The following CCDC33 variants were observed in gnomAD, a reference collection of about 807,000 sequenced individuals.
The protein encoded by CCDC33 is coiled-coil domain-containing protein 33.
In CCDC33, 94 loss-of-function variants were observed where a neutral mutation model predicts 91.9. The observed-to-expected ratio is 1.02, with a 90% CI of 0.87 to 1.21. The LOEUF (loss-of-function observed/expected upper bound fraction) is 1.21. Among genes scored for constraint, CCDC33 ranks in the 50% most tolerant of loss-of-function variants. CCDC33 has a pLI of 0.00. For missense variants in CCDC33, 940 were observed against 935.5 expected, an observed-to-expected ratio of 1.00 and a Z score of -0.06; for synonymous variants, 396 against 374.5, an observed-to-expected ratio of 1.06 and a Z score of -0.66.
At chr15:74,220,539 C>T (rs1161501981) in intron 2 of CCDC33, among the ~76,000 whole-genome samples, 6 of 152,188 alleles carry the variant, frequency 3.9e-5, no homozygotes, top group African/African-American at 9.7e-5. Context: ...GTGCCCTGGC[C>T]ACCTGAGCCA....
intron 11 of CCDC33, among the ~76,000 whole-genome samples, chr15:74,320,481 C>T (rs1567031840): frequency 6.6e-6 from 1 of 152,144 alleles, no homozygotes; most frequent in African/African-American, 2.4e-5. Flanking sequence ...ACCGGGAACT[C>T]TCTGAGTGCA....
chr15:74,208,903 A>G, intron 1 of CCDC33: 1 of 989,998 alleles, frequency 1.0e-6, no homozygotes, highest in South Asian at 4.6e-5. Flanking sequence ...GGTGCTCCCA[A>G]CACGGGGCCT....
At chr15:74,331,469 G>A (rs761483567) in intron 15 of CCDC33, among the ~76,000 whole-genome samples, 173 bp downstream of exon 15, 6 of 152,130 alleles carry the variant, frequency 3.9e-5, no homozygotes, top group South Asian at 4.1e-4. Flanking sequence ...TCATTCAGGC[G>A]CCCCATCCAG....
At chr15:74,238,546 T>G (rs901271338) in intron 1 of CCDC33, among the ~76,000 whole-genome samples, 1 of 152,230 alleles carries the variant, frequency 6.6e-6, no homozygotes, top group African/African-American at 2.4e-5. Context: ...ACTAGGGATA[T>G]TAATCCTTTT....
intron 2 of CCDC33, among the ~76,000 whole-genome samples, chr15:74,211,007 G>C (rs555732039): frequency 1.3e-5 from 2 of 152,254 alleles, no homozygotes; most frequent in South Asian, 4.2e-4. Context: ...CAGATTATAA[G>C]GCTGAAGGAG....
Position 74,218,901 on chromosome 15 carries a change from C to T in CCDC33, c.675+40C>T, listed in dbSNP as rs921726031. 5 of 1,202,294 alleles carry T rather than the reference C, an allele frequency of 4.2e-6. No homozygotes were observed. The Admixed American group carries it at 1.6e-4, about 39-fold the overall frequency. The allele number at this position is 1,202,294 out of a possible 1,614,324, so 74.5% of individuals were successfully genotyped here. A position where few individuals can be genotyped will look rare whatever the true frequency, so the allele number is the denominator to read the frequency against. ...GGTCCCAGTTCAGGTTCTGGGCTCA[C>T]CGGGTACAAGACCCAGCCTCCGTGA... is the stretch of plus-strand genomic sequence containing the variant. On this transcript the variant is annotated intron_variant, in intron 2 of 2. Coordinates refer to the CCDC33 transcript ENST00000635913. The surrounding 1 kb of genome is among the most constrained non-coding windows in gnomAD (Gnocchi z 4.8).
intron 2 of CCDC33, among the ~76,000 whole-genome samples, chr15:74,230,983 C>A (rs1015563679): frequency 2.0e-5 from 3 of 152,180 alleles, no homozygotes; most frequent in African/African-American, 7.2e-5. Context: ...TGACCAGAGC[C>A]CACAAGAACT....
Position 74,331,093 on chromosome 15 carries a change from CTG to C in CCDC33, c.1661_1662del (p.Val554AlafsTer58), listed in dbSNP as rs1567042063. On this transcript the variant is annotated frameshift_variant, in exon 14 of 19. Coordinates refer to ENST00000398814, the MANE Select transcript of CCDC33 (RefSeq NM_025055.5). LOFTEE classifies it high-confidence loss of function. ...CAGAAGATGAAGGCGCTGGAGGAGA[CTG>C]TGCGGCACCAAGAGAAGGCAGGTGG... 1 of 1,613,300 alleles carries C rather than the reference CTG, an allele frequency of 6.2e-7. No individual in the cohort carries two copies. Among genetic ancestry groups the C allele is most frequent in the Non-Finnish European group, 8.5e-7 (1 of 1,179,508 alleles).
chr15:74,286,797 C>T (rs2059483869), intron 10 of CCDC33, among the ~76,000 whole-genome samples: 1 of 152,170 alleles, frequency 6.6e-6, no homozygotes, highest in Admixed American at 6.5e-5. Flanking sequence ...AACCCCCTGG[C>T]TTCCTGGGAG....
chr15:74,261,103 G>A (rs1474737878), intron 2 of CCDC33, among the ~76,000 whole-genome samples: 1 of 152,178 alleles, frequency 6.6e-6, no homozygotes, highest in African/African-American at 2.4e-5. Context: ...CCCAGCTGCA[G>A]GGTCCTTCTT....
chr15:74,224,158 A>G (rs1420151938), intron 2 of CCDC33, among the ~76,000 whole-genome samples: 1 of 152,122 alleles, frequency 6.6e-6, no homozygotes, highest in African/African-American at 2.4e-5. Context: ...GAGGTGGGGC[A>G]GGCAGGTGCT....
intron 4 of CCDC33, 146 bp downstream of exon 4, chr15:74,266,933 G>A: frequency 1.7e-6 from 1 of 589,304 alleles, no homozygotes; most frequent in East Asian, 2.7e-5. Flanking sequence ...AGGAAACATG[G>A]CTCCTGGTAC....
intron 11 of CCDC33, among the ~76,000 whole-genome samples, chr15:74,306,077 A>T (rs1012524259): frequency 1.3e-5 from 2 of 152,052 alleles, no homozygotes; most frequent in African/African-American, 4.8e-5. Flanking sequence ...ACTGAGGGGG[A>T]TGACGGAAGG....
rs778553802 is a variant in CCDC33, at chr15:74,262,407, C to T, written c.186-33C>T. On this transcript the variant is annotated intron_variant, in intron 2 of 18. Transcript: ENST00000398814. Reference sequence around the variant, plus strand: ...GGGACAAGCAGCAGACAGAACCCCTCCCTTTGACTCACCCTGCCCCTGCTC... The same window carrying T: ...GGGACAAGCAGCAGACAGAACCCCTTCCTTTGACTCACCCTGCCCCTGCTC... 22 of 1,612,404 alleles carry T rather than the reference C, an allele frequency of 1.4e-5. No homozygotes were observed. The African/African-American group carries it at 2.7e-4, about 20-fold the overall frequency.
At chr15:74,322,590 G>A (rs1323639040) in intron 11 of CCDC33, among the ~76,000 whole-genome samples, 1 of 152,222 alleles carries the variant, frequency 6.6e-6, no homozygotes, top group African/African-American at 2.4e-5. Context: ...GGGGTTCCAG[G>A]GCTAGAGGTC....
intron 2 of CCDC33, among the ~76,000 whole-genome samples, chr15:74,245,883 A>T (rs1015884618): frequency 2.0e-5 from 3 of 152,162 alleles, no homozygotes; most frequent in Non-Finnish European, 4.4e-5. Context: ...AGCTGCCACC[A>T]GCTCGAGGTG....
chr15:74,295,974 G>GGGC (rs760051092), intron 11 of CCDC33, 26 bp downstream of exon 11: 1 of 1,585,784 alleles, frequency 6.3e-7, no homozygotes, highest in South Asian at 1.1e-5. Flanking sequence ...CAGGTGGGAA[G>GGGC]GGCCGGGGCA....
chr15:74,314,676 G>A (rs1324185275), intron 11 of CCDC33, among the ~76,000 whole-genome samples: 2 of 152,242 alleles, frequency 1.3e-5, no homozygotes, highest in African/African-American at 4.8e-5. Flanking sequence ...CCAAGCTGTG[G>A]TGGAGCACCT....
At chr15:74,281,495 C>T (rs1186977165) in intron 9 of CCDC33, among the ~76,000 whole-genome samples, 3 of 152,224 alleles carry the variant, frequency 2.0e-5, no homozygotes, top group African/African-American at 4.8e-5. Flanking sequence ...CACCATTTCC[C>T]CTAAAATACT....
Sources: gnomAD v4.1 joint callset for allele counts (sites outside exome capture counted in the v4.1 genomes callset) on GRCh38, gnomAD v4.1.1 for gene constraint, Gnocchi (gnomAD v3.1) non-coding constraint, MANE v1.5 for transcripts, NCBI Gene and HGNC (gene_info 2026-07-23, HGNC 2026-07-21) for gene names.